CSMD1: variants seen among roughly 807,000 people sequenced by gnomAD.
CSMD1 encodes CUB and Sushi multiple domains 1.
In CSMD1, 213 loss-of-function variants were observed where a neutral mutation model predicts 417.5. The observed-to-expected ratio is 0.51, with a 90% CI of 0.46 to 0.57. The LOEUF is 0.57. Among genes scored for constraint, CSMD1 ranks in the 20% least tolerant of loss-of-function variants. CSMD1 has a pLI of 0.00. For synonymous variants in CSMD1, 2,862 were observed against 1,736.8 expected (o/e 1.65, Z -16.11); for missense variants, 6,923 against 4,529.7 (o/e 1.53, Z -15.17).
intron 1 of CSMD1, among the ~76,000 whole-genome samples, chr8:4,844,557 C>A (rs1563568645): frequency 6.6e-6 from 1 of 152,144 alleles, no homozygotes. Flanking sequence ...AATAACCAGC[C>A]ATGAGGGGTG....
At chr8:3,670,562 C>CAA (rs1563254895) in intron 7 of CSMD1, among the ~76,000 whole-genome samples, 4 of 108,200 alleles carry the variant, frequency 3.7e-5, no homozygotes, top group South Asian at 3.1e-4. Flanking sequence ...TATATATATG[C>CAA]GATATATATA....
At chr8:4,022,417 T>A (rs571715628) in intron 4 of CSMD1, among the ~76,000 whole-genome samples, 1 of 152,236 alleles carries the variant, frequency 6.6e-6, no homozygotes, top group Admixed American at 6.5e-5. Flanking sequence ...GTACAGTTTG[T>A]ACTTAGCCAA....
At chr8:4,828,820 G>C (rs569848453) in intron 1 of CSMD1, among the ~76,000 whole-genome samples, 1 of 152,196 alleles carries the variant, frequency 6.6e-6, no homozygotes, top group South Asian at 2.1e-4. Flanking sequence ...CTGTTGTGAA[G>C]AACTGCAGAT....
chr8:4,830,169 G>C (rs1003334562), intron 1 of CSMD1, among the ~76,000 whole-genome samples: 2 of 152,302 alleles, frequency 1.3e-5, no homozygotes, highest in South Asian at 2.1e-4. Flanking sequence ...TACAAGAAGA[G>C]TCTTGTTTAC....
chr8:4,126,774 A>C (rs982392036), intron 3 of CSMD1, among the ~76,000 whole-genome samples: 4 of 152,192 alleles, frequency 2.6e-5, no homozygotes, highest in African/African-American at 9.6e-5. Flanking sequence ...TTTCTCATAG[A>C]AACAGGCAAC....
At chr8:4,291,661 C>T (rs1340582852) in intron 3 of CSMD1, among the ~76,000 whole-genome samples, 1 of 152,108 alleles carries the variant, frequency 6.6e-6, no homozygotes, top group Non-Finnish European at 1.5e-5. Flanking sequence ...AGAACATTTC[C>T]TACCAGAAAG....
intron 54 of CSMD1, among the ~76,000 whole-genome samples, chr8:2,994,145 C>CAAAAAAAAAAAAAAAAAAAAAA (rs35438493): frequency 1.6e-4 from 5 of 30,520 alleles, no homozygotes; most frequent in African/African-American, 4.8e-4. Context: ...AACTCCATCT[C>CAAAAAAAAAAAAAAAAAAAAAA]AAAAAAAAAA....
chr8:3,433,693 G>C (rs1192547097), intron 12 of CSMD1, among the ~76,000 whole-genome samples: 1 of 152,164 alleles, frequency 6.6e-6, no homozygotes, highest in Non-Finnish European at 1.5e-5. Context: ...GAAAGTGACA[G>C]AATGCCTGCA....
intron 2 of CSMD1, among the ~76,000 whole-genome samples, chr8:4,631,925 A>T (rs1404511040): frequency 6.6e-6 from 1 of 152,100 alleles, no homozygotes; most frequent in Non-Finnish European, 1.5e-5. Flanking sequence ...GAGTGGTAAA[A>T]TCTCCCTTCA....
Position 4,836,472 on chromosome 8 carries a change from C to T in CSMD1, c.85+157860G>A, listed in dbSNP as rs112672112. Among the ~76,000 whole-genome samples, 26 of 152,246 alleles carry T rather than the reference C, an allele frequency of 1.7e-4. No homozygotes were observed. The South Asian group carries it at 2.9e-3, about 17-fold the overall frequency. ...CTTAAGTGCTGTTCCATAGGACTGGCGCTCTTGAATACGGCAGACAGCTAA... is the reference window on the plus strand; with the variant it reads ...CTTAAGTGCTGTTCCATAGGACTGGTGCTCTTGAATACGGCAGACAGCTAA... On this transcript the variant is annotated intron_variant, in intron 1 of 69. Transcript: ENST00000635120.
intron 1 of CSMD1, among the ~76,000 whole-genome samples, chr8:4,701,595 G>C (rs1257422868): frequency 6.6e-6 from 1 of 152,042 alleles, no homozygotes; most frequent in Non-Finnish European, 1.5e-5. Flanking sequence ...TTGATCACAA[G>C]ACTCTCAGGT....
intron 2 of CSMD1, among the ~76,000 whole-genome samples, chr8:4,620,684 A>T (rs1801728374): frequency 6.6e-6 from 1 of 151,952 alleles, no homozygotes; most frequent in Non-Finnish European, 1.5e-5. Context: ...AAATCATAAG[A>T]GAAGTTAGAA....
At chr8:4,246,017 G>A (rs200238707) in intron 3 of CSMD1, among the ~76,000 whole-genome samples, 2 of 152,218 alleles carry the variant, frequency 1.3e-5, no homozygotes, top group Admixed American at 6.5e-5. Flanking sequence ...TCAGTTATTT[G>A]TTGTTGTTGT....
At chr8:3,956,351 T>C (rs898448527) in intron 5 of CSMD1, among the ~76,000 whole-genome samples, 1 of 152,194 alleles carries the variant, frequency 6.6e-6, no homozygotes, top group African/African-American at 2.4e-5. Context: ...TGTTAGTCAG[T>C]TGCCTTATAG....
At chr8:4,374,966 G>GGGA (rs1802634172) in intron 3 of CSMD1, among the ~76,000 whole-genome samples, 1 of 129,462 alleles carries the variant, frequency 7.7e-6, no homozygotes, top group Non-Finnish European at 1.7e-5. Flanking sequence ...TGGGGTGGGG[G>GGGA]GGGGGGGCGA....
chr8:3,267,236 G>T (rs1278720010), intron 26 of CSMD1, among the ~76,000 whole-genome samples: 4 of 152,176 alleles, frequency 2.6e-5, no homozygotes, highest in Non-Finnish European at 5.9e-5. Context: ...CTCACTGCTA[G>T]CTTGCATGAC....
chr8:3,099,878 C>T (rs1157801329), intron 46 of CSMD1, among the ~76,000 whole-genome samples: 1 of 152,148 alleles, frequency 6.6e-6, no homozygotes, highest in African/African-American at 2.4e-5. Flanking sequence ...TCTCTCCAAC[C>T]AAAGAGGTAG....
chr8:4,620,876 A>G (rs1047453226), intron 2 of CSMD1, among the ~76,000 whole-genome samples: 2 of 151,934 alleles, frequency 1.3e-5, no homozygotes, highest in Non-Finnish European at 2.9e-5. Context: ...AGAAGAGTGA[A>G]AATAAGAGAA....
At chr8:4,580,217 C>G (rs1799346800) in intron 2 of CSMD1, among the ~76,000 whole-genome samples, 1 of 152,192 alleles carries the variant, frequency 6.6e-6, no homozygotes, top group Admixed American at 6.5e-5. Flanking sequence ...CCCTGCTGCC[C>G]TTCCCCTTGT....
Sources: allele counts gnomAD v4.1 joint callset (sites outside exome capture counted in the v4.1 genomes callset), GRCh38; gene constraint gnomAD v4.1.1; transcripts MANE v1.5; gene names NCBI Gene and HGNC (gene_info 2026-07-23, HGNC 2026-07-21).